The following ZSCAN18 variants were observed in gnomAD, a reference collection of about 807,000 sequenced individuals.
The protein encoded by ZSCAN18 is zinc finger and SCAN domain containing 18.
Under a neutral mutation model 31.1 loss-of-function variants are expected in ZSCAN18, and 16 were observed. The ratio of observed to expected loss-of-function variants is 0.51; its 90% CI spans 0.35 to 0.78. ZSCAN18 has a LOEUF of 0.78. Ranked by LOEUF, ZSCAN18 falls within the 30% of genes least tolerant of loss-of-function variation. The pLI is 0.01. For synonymous variants in ZSCAN18, 375 were observed against 320.7 expected (o/e 1.17, Z -1.81); for missense variants, 731 against 697.4 (o/e 1.05, Z -0.54).
At chr19:58,116,493 G>A (rs900401839) in intron 1 of ZSCAN18, among the ~76,000 whole-genome samples, 1 of 151,996 alleles carries the variant, frequency 6.6e-6, no homozygotes, top group Non-Finnish European at 1.5e-5. Context: ...ACTATCAAAC[G>A]CTCTGCAAAC....
chr19:58,084,990 C>G lies in ZSCAN18; in HGVS notation c.1228G>C (p.Gly410Arg), dbSNP rs1302692166. 1.3e-6 allele frequency: 2 copies of G among 1,596,828 alleles called. No homozygotes were observed. Among genetic ancestry groups the G allele is most frequent in the Admixed American group, 1.7e-5 (1 of 57,812 alleles). Reference sequence around the variant, plus strand: ...CACTCGCCGCAGGCATAGGGCTTCCCGCGGGACAAGCCCGGCTCGTCAGCC... The same window carrying G: ...CACTCGCCGCAGGCATAGGGCTTCCGGCGGGACAAGCCCGGCTCGTCAGCC... ...PGADEPGLSR[G>R]KPYACGECGE... Residue 410 changes from glycine to arginine, a missense_variant, in exon 7 of 7, where the codon GGG becomes CGG. Coordinates refer to ENST00000601144, the MANE Select transcript of ZSCAN18 (RefSeq NM_001145543.2). The surrounding 1 kb of genome is among the most constrained non-coding windows in gnomAD (Gnocchi z 4.5).
rs1008028246 is a variant in ZSCAN18 at position 58,083,876 on chromosome 19, C to G, written c.*809G>C. 9.2e-5 allele frequency: 14 copies of G among 152,244 alleles called. No homozygotes were observed. The highest frequency in any genetic ancestry group is 1.5e-4 in the Non-Finnish European group (10 of 68,046). The allele number at this position is 152,244 out of a possible 1,614,324, so 9.4% of individuals were successfully genotyped here. A position where few individuals can be genotyped will look rare whatever the true frequency, so the allele number is the denominator to read the frequency against. ...AGGAGTTTAGTCTCCTTTGCTCAGA[C>G]AGACAGATCTTTATTAGTGTTTTCA... On this transcript the variant is annotated 3_prime_UTR_variant, in exon 7 of 7. Transcript: ENST00000601144.
intron 1 of ZSCAN18, chr19:58,107,772 A>G (rs1777794477): frequency 3.0e-6 from 3 of 991,828 alleles, no homozygotes; most frequent in Admixed American, 6.1e-5. Context: ...TCTCAGTCCA[A>G]TGTGTCAACT....
intron 1 of ZSCAN18, among the ~76,000 whole-genome samples, chr19:58,116,795 C>T (rs1256963544): frequency 2.6e-5 from 4 of 152,200 alleles, no homozygotes; most frequent in Non-Finnish European, 5.9e-5. Flanking sequence ...GACAGGCTTC[C>T]ACTGAATCGT....
chr19:58,086,381 T>C (rs2074280746), intron 5 of ZSCAN18, 115 bp from the exon 6 acceptor site: 1 of 884,912 alleles, frequency 1.1e-6, no homozygotes, highest in Non-Finnish European at 1.7e-6. Context: ...TTCTCTGTAC[T>C]GGGACCCCCA....
exon 1 of ZSCAN18, chr19:58,118,287 G>A (rs1277142290): frequency 2.7e-6 from 4 of 1,500,116 alleles, no homozygotes; most frequent in Non-Finnish European, 3.6e-6. Context: ...CCTTGGCTCC[G>A]CGACCGGTGG....
At chr19:58,089,508 C>T (rs577512947) in intron 2 of ZSCAN18, among the ~76,000 whole-genome samples, 2 of 152,170 alleles carry the variant, frequency 1.3e-5, no homozygotes, top group African/African-American at 4.8e-5. Flanking sequence ...CGCCTGTAAT[C>T]CCAGCTACTT....
intron 1 of ZSCAN18, chr19:58,109,037 C>G (rs773659282): frequency 1.1e-4 from 130 of 1,220,596 alleles, no homozygotes; most frequent in Admixed American, 5.1e-4. Context: ...TGACATGAAG[C>G]TAGGACTGAG....
intron 1 of ZSCAN18, among the ~76,000 whole-genome samples, chr19:58,095,142 T>G (rs2074496656): frequency 1.3e-5 from 2 of 152,266 alleles, no homozygotes; most frequent in South Asian, 4.1e-4. Context: ...ATGGGAGGCG[T>G]GACGCCAGCT....
intron 1 of ZSCAN18, among the ~76,000 whole-genome samples, chr19:58,094,354 T>C (rs1306908027): frequency 2.7e-5 from 4 of 149,684 alleles, no homozygotes; most frequent in African/African-American, 4.9e-5. Context: ...GAGCTTGCAG[T>C]GAGCCGAGAT....
Position 58,085,988 on chromosome 19 carries a change from G to C in ZSCAN18, c.838+186C>G. The C allele has an allele frequency of 9.8e-6, 6 of 609,306 alleles. No individual in the cohort carries two copies. The South Asian group carries it at 1.0e-4, about 10-fold the overall frequency. 37.7% of individuals were successfully genotyped at this position (609,306 alleles called of 1,614,324 possible). On this transcript the variant is annotated intron_variant, in intron 6 of 6. Transcript: ENST00000601144. ...CACCGACCAAGTCTTGGGGTGGTCTGTCATGCAGCAAGAGACCATGGACGT... is the reference window on the plus strand; with the variant it reads ...CACCGACCAAGTCTTGGGGTGGTCTCTCATGCAGCAAGAGACCATGGACGT...
In ZSCAN18 at chr19:58,117,920, G is replaced by A. The variant is rs533016969; in HGVS notation, c.130+347C>T. ...GGAAATTCGGAGTTGGCACCGCACT[G>A]GGGAGAAGGGTATGGGGGCCCACGC... On this transcript the variant is annotated intron_variant, in intron 1 of 1. Transcript: ENST00000595721. Among the ~76,000 whole-genome samples the A allele has an allele frequency of 2.0e-5, 3 of 151,958 alleles. No homozygotes were observed. In the South Asian group the frequency reaches 6.2e-4, roughly 31 times the overall value.
At chr19:58,104,377 A>AAAAAC (rs143767774) in intron 1 of ZSCAN18, among the ~76,000 whole-genome samples, 53 of 144,654 alleles carry the variant, frequency 3.7e-4, no homozygotes, top group African/African-American at 1.1e-3. Flanking sequence ...AGGCTGTCTC[A>AAAAAC]AAAACAAAAC....
At chr19:58,088,624 C>T (rs1223187033) in intron 3 of ZSCAN18, 64 bp downstream of exon 3, 2 of 1,557,850 alleles carry the variant, frequency 1.3e-6, no homozygotes, top group Admixed American at 1.8e-5. Context: ...CTCCCAACCA[C>T]AGGCCTCTGC....
chr19:58,116,286 G>A (rs530099954), intron 1 of ZSCAN18, among the ~76,000 whole-genome samples: 3 of 149,146 alleles, frequency 2.0e-5, no homozygotes, highest in Admixed American at 6.8e-5. Context: ...TTAAGTCTGT[G>A]GGAAAAGGGC....
intron 1 of ZSCAN18, among the ~76,000 whole-genome samples, chr19:58,103,797 C>G (rs1007873100): frequency 9.9e-6 from 1 of 100,712 alleles, no homozygotes; most frequent in Admixed American, 9.8e-5. Context: ...GTAAGGAAGG[C>G]GTGTCAAAGA....
intron 1 of ZSCAN18, chr19:58,107,717 A>T: frequency 1.0e-6 from 1 of 989,500 alleles, no homozygotes; most frequent in Non-Finnish European, 1.2e-6. Flanking sequence ...AGGCAAAGAA[A>T]ATCAGATCAG....
At chr19:58,098,090 A>G (rs10420801) in intron 1 of ZSCAN18, 84 bp downstream of exon 1, 181,848 of 984,998 alleles carry the variant, frequency 0.18, 18,333 homozygotes, top group African/African-American at 0.4. Context: ...CCTTTCCCTA[A>G]CGCTGCCCAC....
At chr19:58,098,364 G>T (rs931339878), upstream of ZSCAN18, 59 of 985,398 alleles carry the variant, frequency 6.0e-5, no homozygotes, top group Non-Finnish European at 6.7e-5. Context: ...AATCAGACGC[G>T]AGTGTGGCCT....
Sources: allele counts gnomAD v4.1 joint callset (sites outside exome capture counted in the v4.1 genomes callset), GRCh38; gene constraint gnomAD v4.1.1; non-coding constraint Gnocchi (gnomAD v3.1); transcripts MANE v1.5; gene names NCBI Gene and HGNC (gene_info 2026-07-23, HGNC 2026-07-21).